INSR: variants seen among roughly 807,000 people sequenced by gnomAD.
INSR encodes the protein IR.
A neutral mutation model predicts 142.6 loss-of-function variants in INSR; 67 were observed. The ratio of observed to expected loss-of-function variants is 0.47; its 90% CI spans 0.39 to 0.58. The LOEUF (loss-of-function observed/expected upper bound fraction) is 0.58. Ranked by LOEUF, INSR falls within the 20% of genes least tolerant of loss-of-function variation. INSR has a pLI of 0.00. For synonymous variants in INSR, 756 were observed against 743.1 expected (o/e 1.02, Z -0.28); for missense variants, 1,248 against 1,833.2 (o/e 0.68, Z 5.83).
Position 7,150,793 on chromosome 19 carries a change from G to A in INSR, c.2232-261C>T, listed in dbSNP as rs1973317178. 6.6e-6 allele frequency among the ~76,000 whole-genome samples: 1 copy of A among 152,178 alleles called. No individual in the cohort carries two copies. The highest frequency in any genetic ancestry group is 1.5e-5 in the Non-Finnish European group (1 of 68,034). On this transcript the variant is annotated intron_variant, in intron 10 of 21. Transcript: ENST00000302850. This position sits in a 1 kb window ranked among gnomAD's most constrained non-coding sequence, Gnocchi z 4.2. ...GAGGTGGCCCTGGGATGTCAAACGT[G>A]ACTACATGTGGACATCACAACTGAC...
intron 1 of INSR, among the ~76,000 whole-genome samples, chr19:7,281,420 A>G (rs568971215): frequency 3.5e-4 from 53 of 152,232 alleles, no homozygotes; most frequent in African/African-American, 1.1e-3. Context: ...CACATCTGCA[A>G]TCCCAGTGCT....
At chr19:7,240,581 A>C (rs62112785) in intron 2 of INSR, among the ~76,000 whole-genome samples, 2 of 151,896 alleles carry the variant, frequency 1.3e-5, no homozygotes, top group Non-Finnish European at 2.9e-5. Flanking sequence ...AATACAAATA[A>C]ATAAATAAAT....
At chr19:7,148,570 A>AGG (rs1320919066) in intron 11 of INSR, among the ~76,000 whole-genome samples, 1 of 123,674 alleles carries the variant, frequency 8.1e-6, no homozygotes, top group African/African-American at 3.2e-5. Context: ...CTCCGCCTCC[A>AGG]GAAATCAAGT....
At chr19:7,195,354 C>G (rs1301807682) in intron 2 of INSR, among the ~76,000 whole-genome samples, 1 of 152,044 alleles carries the variant, frequency 6.6e-6, no homozygotes, top group Non-Finnish European at 1.5e-5. Flanking sequence ...TCAAAACTGC[C>G]AATGTTGGCC....
intron 2 of INSR, among the ~76,000 whole-genome samples, chr19:7,202,959 T>C (rs984453443): frequency 5.3e-5 from 8 of 151,630 alleles, no homozygotes; most frequent in Non-Finnish European, 1.2e-4. Context: ...CAATGTCTGC[T>C]TTTTTGGAAT....
intron 1 of INSR, among the ~76,000 whole-genome samples, chr19:7,274,446 G>A (rs905702337): frequency 6.6e-6 from 1 of 151,376 alleles, no homozygotes; most frequent in African/African-American, 2.4e-5. Flanking sequence ...CCTACGAGAT[G>A]TGGTGTGTGC....
intron 2 of INSR, among the ~76,000 whole-genome samples, chr19:7,197,552 T>G: frequency 1.0e-5 from 1 of 98,042 alleles, no homozygotes; most frequent in Non-Finnish European, 2.1e-5. Context: ...TGTGTCAGGT[T>G]CCAGAGTGGG....
At chr19:7,124,191 G>A (rs1382473890) in intron 17 of INSR, among the ~76,000 whole-genome samples, 8 of 151,418 alleles carry the variant, frequency 5.3e-5, no homozygotes, top group South Asian at 2.1e-4. Flanking sequence ...GTGAAACCCC[G>A]TCTCTAATAA....
chr19:7,135,863 G>T (rs1165091756), intron 13 of INSR, among the ~76,000 whole-genome samples: 1 of 151,646 alleles, frequency 6.6e-6, no homozygotes, highest in Non-Finnish European at 1.5e-5. Context: ...AGATACTCAA[G>T]AGGCTGAGGG....
intron 4 of INSR, among the ~76,000 whole-genome samples, chr19:7,173,289 C>A (rs1002442760): frequency 6.6e-6 from 1 of 152,140 alleles, no homozygotes; most frequent in Non-Finnish European, 1.5e-5. Flanking sequence ...AAGAAATAAA[C>A]AAAGGAATGC....
At chr19:7,269,936 A>G (rs545553166) in intron 1 of INSR, among the ~76,000 whole-genome samples, 31 of 151,930 alleles carry the variant, frequency 2.0e-4, no homozygotes, top group Non-Finnish European at 4.3e-4. Context: ...AAAATTACTC[A>G]TTGTTTCTAT....
chr19:7,292,169 C>T (rs1036763347), intron 1 of INSR, among the ~76,000 whole-genome samples: 1 of 151,590 alleles, frequency 6.6e-6, no homozygotes, highest in Non-Finnish European at 1.5e-5. Context: ...GAGCTCACAG[C>T]AACCTCCTCC....
chr19:7,149,902 AAAG>A (rs1265773505), intron 11 of INSR, among the ~76,000 whole-genome samples: 3 of 63,836 alleles, frequency 4.7e-5, no homozygotes, highest in African/African-American at 1.2e-4. Flanking sequence ...AAAAGAAAAG[AAAG>A]AAGGAAAGAA....
intron 16 of INSR, among the ~76,000 whole-genome samples, chr19:7,126,127 T>C (rs1272408565): frequency 6.6e-6 from 1 of 152,206 alleles, no homozygotes; most frequent in East Asian, 1.9e-4. Flanking sequence ...GCCAGCCTGC[T>C]GGAGCCTAAG....
In INSR at chr19:7,130,840, CTTTCTT is replaced by C. The variant is rs548478727; in HGVS notation, c.2842+1312_2842+1317del. Among the ~76,000 whole-genome samples the C allele has an allele frequency of 8.7e-5, 13 of 150,276 alleles. 1 individual carries two copies. Among genetic ancestry groups the C allele is most frequent in the South Asian group, 4.2e-4 (2 of 4,750 alleles). On this transcript the variant is annotated intron_variant, in intron 14 of 21. Coordinates refer to ENST00000302850, the MANE Select transcript of INSR (RefSeq NM_000208.4). ...TCTTTTTCTCTCTTTCTTTCCTTTT[CTTTCTT>C]TTTCTTTTTCTTCTCTCTCTCTTTC...
chr19:7,147,091 TCA>T (rs1973203319), intron 11 of INSR, among the ~76,000 whole-genome samples: 1 of 152,212 alleles, frequency 6.6e-6, no homozygotes, highest in Non-Finnish European at 1.5e-5. Flanking sequence ...TATGTGATAT[TCA>T]CATTTTCATT....
intron 3 of INSR, among the ~76,000 whole-genome samples, chr19:7,178,244 G>GT (rs1491138687): frequency 3.4e-5 from 2 of 59,380 alleles, no homozygotes; most frequent in African/African-American, 2.7e-4. Flanking sequence ...GGTGACTTGT[G>GT]GGGGGGGGGG....
intron 2 of INSR, among the ~76,000 whole-genome samples, chr19:7,233,824 C>T (rs1421669901): frequency 2.0e-5 from 3 of 151,026 alleles, no homozygotes; most frequent in Non-Finnish European, 3.0e-5. Context: ...TACAGGCGCC[C>T]GCCACCACAC....
Position 7,172,449 on chromosome 19 carries a change from G to T in INSR, c.1124-15C>A. 1 of 1,613,226 alleles carries T rather than the reference G, an allele frequency of 6.2e-7. No homozygotes were observed. Among genetic ancestry groups the T allele is most frequent in the Non-Finnish European group, 8.5e-7 (1 of 1,179,494 alleles). On this transcript the variant is annotated splice_polypyrimidine_tract_variant and intron_variant, in intron 4 of 21. Coordinates refer to ENST00000302850, the MANE Select transcript of INSR (RefSeq NM_000208.4). ...TGCCAGATTGTCTAAGGAAAGGAGAGAATATCCAGTGGGTTTCTATAGACA... is the reference window on the plus strand; with the variant it reads ...TGCCAGATTGTCTAAGGAAAGGAGATAATATCCAGTGGGTTTCTATAGACA...
Sources: allele counts gnomAD v4.1 joint callset (sites outside exome capture counted in the v4.1 genomes callset), GRCh38; gene constraint gnomAD v4.1.1; non-coding constraint Gnocchi (gnomAD v3.1); transcripts MANE v1.5; gene names NCBI Gene and HGNC (gene_info 2026-07-23, HGNC 2026-07-21).